The following PTPRK variants were observed in gnomAD, a reference collection of about 807,000 sequenced individuals.
The protein encoded by PTPRK is receptor-type tyrosine-protein phosphatase kappa.
Under a neutral mutation model 178.0 loss-of-function variants are expected in PTPRK, and 75 were observed. The ratio of observed to expected loss-of-function variants is 0.42; its 90% CI spans 0.35 to 0.51. The LOEUF (loss-of-function observed/expected upper bound fraction) is 0.51. PTPRK is among the 20% of genes least tolerant of loss of function. The pLI is 0.02. For synonymous variants in PTPRK, 637 were observed against 620.6 expected (o/e 1.03, Z -0.39); for missense variants, 1,441 against 1,797.8 (o/e 0.80, Z 3.59).
intron 7 of PTPRK, among the ~76,000 whole-genome samples, chr6:128,115,622 A>T (rs1203071972): frequency 6.6e-6 from 1 of 152,146 alleles, no homozygotes; most frequent in Non-Finnish European, 1.5e-5. Flanking sequence ...TTCCATCATT[A>T]AAATGGGAAT....
chr6:128,102,736 A>G (rs2114275356), intron 7 of PTPRK, among the ~76,000 whole-genome samples: 1 of 152,288 alleles, frequency 6.6e-6, no homozygotes, highest in South Asian at 2.1e-4. Context: ...AAATATTTCA[A>G]CTTAATTTTC....
chr6:128,329,038 T>C (rs547168750), intron 2 of PTPRK, among the ~76,000 whole-genome samples: 2 of 152,278 alleles, frequency 1.3e-5, no homozygotes, highest in African/African-American at 4.8e-5. Flanking sequence ...ATTTCAATGT[T>C]ATTGATAAGC....
At chr6:128,239,441 C>A (rs903596003) in intron 5 of PTPRK, among the ~76,000 whole-genome samples, 1 of 152,090 alleles carries the variant, frequency 6.6e-6, no homozygotes, top group Admixed American at 6.6e-5. Context: ...ATCTCAGATT[C>A]TTTTAAATCT....
chr6:128,371,086 G>C (rs1276742864), intron 2 of PTPRK, among the ~76,000 whole-genome samples: 1 of 151,950 alleles, frequency 6.6e-6, no homozygotes, highest in Non-Finnish European at 1.5e-5. Flanking sequence ...AGAAATACTA[G>C]GATTTGTCTA....
intron 2 of PTPRK, among the ~76,000 whole-genome samples, chr6:128,391,697 C>A (rs963283477): frequency 6.6e-6 from 1 of 151,754 alleles, no homozygotes; most frequent in South Asian, 2.1e-4. Flanking sequence ...ATCACTGTTC[C>A]CAGAGAGAAA....
At chr6:128,265,786 A>G (rs541433115) in intron 3 of PTPRK, among the ~76,000 whole-genome samples, 2 of 152,290 alleles carry the variant, frequency 1.3e-5, no homozygotes, top group African/African-American at 4.8e-5. Context: ...TTAAAAATTC[A>G]TACATGTCAT....
intron 5 of PTPRK, among the ~76,000 whole-genome samples, chr6:128,219,444 T>C (rs1809995880): frequency 6.6e-6 from 1 of 152,178 alleles, no homozygotes; most frequent in Admixed American, 6.5e-5. Context: ...GTAGAGTTCG[T>C]GCTCCTATGA....
chr6:128,501,974 T>A (rs34337200), intron 1 of PTPRK, among the ~76,000 whole-genome samples: 10,613 of 152,278 alleles, frequency 0.07, 747 homozygotes, highest in African/African-American at 0.18. Context: ...GATGAAAATC[T>A]ACCTACTTTT....
chr6:128,463,192 A>T (rs1035622559), intron 1 of PTPRK, among the ~76,000 whole-genome samples: 54 of 152,236 alleles, frequency 3.5e-4, no homozygotes, highest in Non-Finnish European at 1.8e-4. Context: ...TGACAAATGC[A>T]GATAAAGTGT....
intron 2 of PTPRK, among the ~76,000 whole-genome samples, chr6:128,373,740 C>T (rs1836628163): frequency 6.6e-6 from 1 of 152,118 alleles, no homozygotes; most frequent in South Asian, 2.1e-4. Flanking sequence ...CAGGCTTCTC[C>T]ATCTTTCATT....
chr6:128,040,953 C>A (rs1349543363), intron 13 of PTPRK, among the ~76,000 whole-genome samples: 3 of 152,076 alleles, frequency 2.0e-5, no homozygotes, highest in Non-Finnish European at 4.4e-5. Context: ...GGTGGCAAAT[C>A]TAGAACTATG....
intron 2 of PTPRK, among the ~76,000 whole-genome samples, chr6:128,350,757 T>A (rs1446188007): frequency 6.6e-6 from 1 of 152,222 alleles, no homozygotes; most frequent in Non-Finnish European, 1.5e-5. Context: ...TAATATTTAC[T>A]CTTAAAATGA....
Position 127,976,743 on chromosome 6 carries a change from A to G in PTPRK, c.3883T>C (p.Tyr1295His), listed in dbSNP as rs1774646443. The change falls in exon 27 of 30, where the codon TAT (tyrosine) becomes CAT (histidine). Residue 1295 changes from tyrosine (Y) to histidine (H), a missense_variant. Around this residue, in one of 4 missense-constraint regions of PTPRK, gnomAD observed 335 missense variants for 512.4 expected, o/e 0.65. Transcript: ENST00000368226. The part of the protein sequence containing the change: ...QYWPEEGMLR[Y>H]GPIQVECMSC... ...ATACATTCCACTTGGATGGGGCCATATCGTAGCATCCCTTCCTCTGGCCAG... is the reference window on the plus strand; with the variant it reads ...ATACATTCCACTTGGATGGGGCCATGTCGTAGCATCCCTTCCTCTGGCCAG... 1 of 1,613,884 alleles carries G rather than the reference A, an allele frequency of 6.2e-7. No individual in the cohort carries two copies. The highest frequency in any genetic ancestry group is 1.3e-5 in the African/African-American group (1 of 74,904).
chr6:128,480,598 T>C (rs1851953822), intron 1 of PTPRK, among the ~76,000 whole-genome samples: 1 of 152,200 alleles, frequency 6.6e-6, no homozygotes. Flanking sequence ...TTCTCAGTTC[T>C]GAATTGACAG....
intron 3 of PTPRK, among the ~76,000 whole-genome samples, chr6:128,249,371 G>C (rs774339762): frequency 7.4e-5 from 11 of 148,724 alleles, no homozygotes; most frequent in Admixed American, 2.7e-4. Flanking sequence ...AGTCAGTAAA[G>C]AGTTTATGGA....
At chr6:128,137,176 C>T (rs1305786506) in intron 7 of PTPRK, among the ~76,000 whole-genome samples, 1 of 152,166 alleles carries the variant, frequency 6.6e-6, no homozygotes, top group Non-Finnish European at 1.5e-5. Flanking sequence ...AAGGGGTTTG[C>T]TTTGTTTGAA....
At chr6:128,290,222 T>C (rs1823162922) in intron 3 of PTPRK, among the ~76,000 whole-genome samples, 1 of 152,118 alleles carries the variant, frequency 6.6e-6, no homozygotes, top group Non-Finnish European at 1.5e-5. Context: ...ATTTGCATTC[T>C]GGGATAAAGA....
At chr6:128,318,122 G>C (rs1459089210) in intron 3 of PTPRK, among the ~76,000 whole-genome samples, 1 of 152,144 alleles carries the variant, frequency 6.6e-6, no homozygotes, top group Non-Finnish European at 1.5e-5. Context: ...AAAAAAATTG[G>C]AAGAGTTCTG....
chr6:128,226,761 CATATATAT>C (rs71028117), intron 5 of PTPRK, among the ~76,000 whole-genome samples: 9,635 of 109,464 alleles, frequency 0.088, 484 homozygotes, highest in East Asian at 0.21. Flanking sequence ...ATTATATAGA[CATATATAT>C]ATATATATAT....
Sources: allele counts gnomAD v4.1 joint callset (sites outside exome capture counted in the v4.1 genomes callset), GRCh38; gene constraint gnomAD v4.1.1; regional missense constraint gnomAD v4.1.1; transcripts MANE v1.5; gene names NCBI Gene and HGNC (gene_info 2026-07-23, HGNC 2026-07-21).